Variants in FABP6 observed in about 807,000 individuals in gnomAD.
FABP6 encodes gastrotropin.
A neutral mutation model predicts 14.9 loss-of-function variants in FABP6; 13 were observed. That is an observed-to-expected ratio of 0.87 (90% confidence interval 0.57 to 1.39). The LOEUF is 1.39. Ranked by LOEUF, FABP6 falls within the 40% of genes most tolerant of loss-of-function variation. FABP6 has a pLI of 0.00. For missense variants in FABP6, 161 were observed against 167.2 expected (o/e 0.96, Z 0.20); for synonymous variants, 75 against 63.6 (o/e 1.18, Z -0.85).
chr5:160,193,918 C>A (rs532373666), intron 1 of FABP6, among the ~76,000 whole-genome samples: 2 of 152,236 alleles, frequency 1.3e-5, no homozygotes, highest in Non-Finnish European at 2.9e-5. Context: ...CTTGGGCGGT[C>A]GATGGGACTG....
intron 2 of FABP6, among the ~76,000 whole-genome samples, chr5:160,200,198 A>G (rs574657739): frequency 6.6e-6 from 1 of 152,288 alleles, no homozygotes; most frequent in South Asian, 2.1e-4. Flanking sequence ...ATTATGGGAG[A>G]ACACACATGC....
At chr5:160,229,322 C>T, upstream of FABP6, 1 of 892,554 alleles carries the variant, frequency 1.1e-6, no homozygotes, top group Non-Finnish European at 1.6e-6. Context: ...ACCCTGCTGG[C>T]AATGGGGTGA....
chr5:160,234,314 C>CCTCT (rs564832952), intron 2 of FABP6, among the ~76,000 whole-genome samples: 167 of 151,748 alleles, frequency 1.1e-3, no homozygotes, highest in African/African-American at 3.9e-3. Context: ...GCAGTCAGCT[C>CCTCT]CTCTCTTGCT....
At chr5:160,196,293 G>T (rs1759507417) in intron 1 of FABP6, among the ~76,000 whole-genome samples, 1 of 152,214 alleles carries the variant, frequency 6.6e-6, no homozygotes, top group Non-Finnish European at 1.5e-5. Context: ...TCCCCAGGAG[G>T]GTTGAGAAGG....
At chr5:160,222,250 A>C (rs1356350249) in intron 3 of FABP6, among the ~76,000 whole-genome samples, 1 of 151,876 alleles carries the variant, frequency 6.6e-6, no homozygotes, top group African/African-American at 2.4e-5. Flanking sequence ...ATGCCACTAC[A>C]CCTGCTAATT....
At chr5:160,234,426 CA>C (rs1246755410) in intron 2 of FABP6, among the ~76,000 whole-genome samples, 2 of 66,050 alleles carry the variant, frequency 3.0e-5, no homozygotes, top group African/African-American at 1.2e-4. Flanking sequence ...TTGGTAAATT[CA>C]TTTTTTTTTT....
chr5:160,228,770 C>T (rs1760306212), upstream of FABP6: 1 of 310,156 alleles, frequency 3.2e-6, no homozygotes, highest in Non-Finnish European at 6.5e-6. Context: ...TGTTCTCCTT[C>T]AAGTTTGCTT....
chr5:160,237,825 T>C (rs1049526014), intron 3 of FABP6, among the ~76,000 whole-genome samples: 1 of 152,200 alleles, frequency 6.6e-6, no homozygotes, highest in African/African-American at 2.4e-5. Context: ...TTCTGTGCCA[T>C]GTGCTTCCTC....
rs553759660 is a variant in FABP6, at chr5:160,231,324, G to C, written c.68-774G>C. Reference sequence around the variant, plus strand: ...GTCATTAAATTTCAGTGAAATACTGGGAAGTCCCTTTCCCATTCTGGGTGC... The same window carrying C: ...GTCATTAAATTTCAGTGAAATACTGCGAAGTCCCTTTCCCATTCTGGGTGC... On this transcript the variant is annotated intron_variant, in intron 1 of 3. Transcript: ENST00000402432. 4.3e-4 allele frequency among the ~76,000 whole-genome samples: 66 copies of C among 152,284 alleles called. No homozygotes were observed. In the South Asian group the frequency reaches 0.01, roughly 24 times the overall value.
chr5:160,199,146 G>C (rs768640444), exon 2 of FABP6: 2 of 1,614,184 alleles, frequency 1.2e-6, no homozygotes, highest in Non-Finnish European at 1.7e-6. Context: ...GGAGATGCAG[G>C]CGCTGACTCA....
intron 2 of FABP6, among the ~76,000 whole-genome samples, chr5:160,206,839 T>G (rs1397319514): frequency 1.3e-5 from 2 of 152,146 alleles, no homozygotes; most frequent in Non-Finnish European, 2.9e-5. Context: ...GGCTTGGACA[T>G]GCACGGCAGC....
At chr5:160,205,111 G>A (rs1759733528) in intron 2 of FABP6, among the ~76,000 whole-genome samples, 1 of 152,074 alleles carries the variant, frequency 6.6e-6, no homozygotes, top group Non-Finnish European at 1.5e-5. Context: ...CCCACTGCCA[G>A]TATTGTGGTT....
intron 3 of FABP6, among the ~76,000 whole-genome samples, chr5:160,236,980 A>G (rs1436986285): frequency 6.6e-6 from 1 of 151,520 alleles, no homozygotes; most frequent in Non-Finnish European, 1.5e-5. Context: ...CTCTGTCTCA[A>G]AAAAAATAAT....
chr5:160,206,789 C>G (rs909220341), intron 2 of FABP6, among the ~76,000 whole-genome samples: 3 of 152,162 alleles, frequency 2.0e-5, no homozygotes, highest in African/African-American at 7.2e-5. Context: ...GACTTACAGA[C>G]CAGAACACCA....
At chr5:160,223,589 TTTA>T (rs1437150003) in intron 3 of FABP6, among the ~76,000 whole-genome samples, 1 of 151,506 alleles carries the variant, frequency 6.6e-6, no homozygotes, top group East Asian at 2.0e-4. Context: ...ACTTGGCTAA[TTTA>T]AACATTTTTT....
intron 2 of FABP6, chr5:160,204,729 G>C (rs1055764416): frequency 2.0e-5 from 3 of 152,286 alleles, no homozygotes; most frequent in African/African-American, 4.8e-5. Flanking sequence ...TACCTCAGGT[G>C]ATCCACCCGC....
chr5:160,188,437 C>CG (rs1392927419), intron 1 of FABP6, among the ~76,000 whole-genome samples: 1 of 73,236 alleles, frequency 1.4e-5, no homozygotes, highest in African/African-American at 5.1e-5. Context: ...AGGTGGGGGA[C>CG]GGGGGAGGGA....
intron 3 of FABP6, among the ~76,000 whole-genome samples, chr5:160,236,236 G>A (rs1416592732): frequency 1.3e-5 from 2 of 151,954 alleles, no homozygotes; most frequent in African/African-American, 4.8e-5. Flanking sequence ...GGCTGGTCTC[G>A]AACTCCTGAC....
chr5:160,235,461 C>T (rs1760488634), intron 3 of FABP6, among the ~76,000 whole-genome samples: 1 of 152,228 alleles, frequency 6.6e-6, no homozygotes, highest in Admixed American at 6.5e-5. Flanking sequence ...GTCCCACACA[C>T]ACATCTGGGG....
Sources: allele counts gnomAD v4.1 joint callset (sites outside exome capture counted in the v4.1 genomes callset), GRCh38; gene constraint gnomAD v4.1.1; transcripts MANE v1.5; gene names NCBI Gene and HGNC (gene_info 2026-07-23, HGNC 2026-07-21).